SH3PXD2A: variants seen among roughly 807,000 people sequenced by gnomAD.
SH3PXD2A encodes SH3 and PX domains 2A, also known as SH3 and PX domain-containing protein 2A.
In SH3PXD2A, 32 loss-of-function variants were observed where a neutral mutation model predicts 115.2. The ratio of observed to expected loss-of-function variants is 0.28; its 90% CI spans 0.21 to 0.37. SH3PXD2A has a LOEUF of 0.37. Among genes scored for constraint, SH3PXD2A ranks in the 10% least tolerant of loss-of-function variants. SH3PXD2A has a pLI of 1.00. For synonymous variants in SH3PXD2A, 610 were observed against 629.1 expected, an observed-to-expected ratio of 0.97 and a Z score of 0.45; for missense variants, 1,328 against 1,498.7, an observed-to-expected ratio of 0.89 and a Z score of 1.88.
intron 2 of SH3PXD2A, among the ~76,000 whole-genome samples, chr10:103,795,040 T>C (rs1352257601): frequency 2.0e-5 from 3 of 152,156 alleles, no homozygotes. Context: ...AAGCCTGTTG[T>C]GTGTTCAAAG....
At chr10:103,673,839 C>T (rs1039380227) in intron 6 of SH3PXD2A, among the ~76,000 whole-genome samples, 1 of 152,212 alleles carries the variant, frequency 6.6e-6, no homozygotes, top group African/African-American at 2.4e-5. Flanking sequence ...GAACCACAGG[C>T]TCAGGGGACC....
intron 1 of SH3PXD2A, among the ~76,000 whole-genome samples, chr10:103,833,550 G>A (rs2039502306): frequency 6.6e-6 from 1 of 152,178 alleles, no homozygotes; most frequent in African/African-American, 2.4e-5. Context: ...GTTAGAGACA[G>A]TCTAAATGTT....
chr10:103,653,299 G>T (rs1205304742), intron 8 of SH3PXD2A, among the ~76,000 whole-genome samples: 1 of 152,122 alleles, frequency 6.6e-6, no homozygotes, highest in Non-Finnish European at 1.5e-5. Flanking sequence ...CAGGCCCCTT[G>T]GTGTTCAAAC....
intron 5 of SH3PXD2A, among the ~76,000 whole-genome samples, chr10:103,712,757 T>G (rs996915920): frequency 6.6e-6 from 1 of 152,256 alleles, no homozygotes; most frequent in Non-Finnish European, 1.5e-5. Context: ...GCAGTTATTC[T>G]GCCCTTCTGT....
intron 6 of SH3PXD2A, among the ~76,000 whole-genome samples, chr10:103,674,847 C>CAAAACAAAAT (rs1304128556): frequency 4.7e-5 from 7 of 147,728 alleles, no homozygotes; most frequent in Admixed American, 2.7e-4. Context: ...AACAAACAAA[C>CAAAACAAAAT]AAAACAAAAT....
In SH3PXD2A at chr10:103,594,855, A is replaced by T. The variant is rs1357240562; in HGVS notation, c.*6961T>A. On this transcript the variant is annotated 3_prime_UTR_variant, in exon 15 of 15. Coordinates refer to ENST00000369774, the MANE Select transcript of SH3PXD2A (RefSeq NM_001394015.1). ...AACTGAACCACCACAGGTGTCAGAGATACTTGAGAATGACTGGTACCAACA... is the reference window on the plus strand; with the variant it reads ...AACTGAACCACCACAGGTGTCAGAGTTACTTGAGAATGACTGGTACCAACA... The T allele has an allele frequency of 6.6e-6, 1 of 152,178 alleles. No homozygotes were observed. Among genetic ancestry groups the T allele is most frequent in the Non-Finnish European group, 1.5e-5 (1 of 68,012 alleles). 9.4% of individuals were successfully genotyped at this position (152,178 alleles called of 1,614,324 possible).
intron 3 of SH3PXD2A, among the ~76,000 whole-genome samples, chr10:103,751,844 AG>A (rs1183365783): frequency 6.6e-6 from 1 of 152,236 alleles, no homozygotes; most frequent in African/African-American, 2.4e-5. Context: ...GCATCCCAAG[AG>A]ACACCAAAGC....
At chr10:103,800,810 C>T (rs1407788279) in intron 2 of SH3PXD2A, among the ~76,000 whole-genome samples, 2 of 152,158 alleles carry the variant, frequency 1.3e-5, no homozygotes, top group Admixed American at 6.5e-5. Flanking sequence ...GTGCCTCATT[C>T]GGTCAGACAG....
intron 3 of SH3PXD2A, chr10:103,736,738 C>A (rs1162480940): frequency 1.6e-6 from 2 of 1,285,608 alleles, no homozygotes; most frequent in Non-Finnish European, 2.0e-6. Flanking sequence ...CACTTGTGAC[C>A]CATTTTGGGG....
intron 10 of SH3PXD2A, among the ~76,000 whole-genome samples, chr10:103,619,286 G>A (rs982608665): frequency 1.3e-5 from 2 of 152,152 alleles, no homozygotes; most frequent in African/African-American, 4.8e-5. Flanking sequence ...CCTGCTCCTG[G>A]TTCTGCTCCA....
intron 1 of SH3PXD2A, among the ~76,000 whole-genome samples, chr10:103,852,717 C>T (rs1215907228): frequency 6.6e-6 from 1 of 152,248 alleles, no homozygotes; most frequent in Non-Finnish European, 1.5e-5. Context: ...CCTCCTGCCC[C>T]TGTCTGTCCC....
intron 3 of SH3PXD2A, among the ~76,000 whole-genome samples, chr10:103,744,078 G>A (rs2038473368): frequency 6.6e-6 from 1 of 152,154 alleles, no homozygotes; most frequent in Non-Finnish European, 1.5e-5. Flanking sequence ...CCTGACCATG[G>A]GGCCACCCAG....
At chr10:103,614,597 G>A (rs1165024418) in intron 11 of SH3PXD2A, among the ~76,000 whole-genome samples, 1 of 152,014 alleles carries the variant, frequency 6.6e-6, no homozygotes. Context: ...TTTTTTCCTC[G>A]TGGTGTTGAG....
intron 1 of SH3PXD2A, among the ~76,000 whole-genome samples, chr10:103,814,757 G>A (rs909563762): frequency 6.6e-6 from 1 of 152,200 alleles, no homozygotes; most frequent in East Asian, 1.9e-4. Flanking sequence ...CAGGCACTGC[G>A]CTAGGTGCTA....
In SH3PXD2A at chr10:103,612,864, C is replaced by G; in HGVS notation, c.1247G>C (p.Arg416Pro). The G allele has an allele frequency of 6.4e-7, 1 of 1,562,764 alleles. No individual in the cohort carries two copies. Among genetic ancestry groups the G allele is most frequent in the East Asian group, 2.2e-5 (1 of 44,548 alleles). Residue 416 changes from arginine to proline, a missense_variant, in exon 12 of 15, where the codon CGG becomes CCG. Coordinates refer to ENST00000369774, the MANE Select transcript of SH3PXD2A (RefSeq NM_001394015.1). ...SPAVARIAPQ[R>P]AQISSPNLRT... ...AGCGAGGCTCTTACTGATCTGGGCC[C>G]GCTGAGGGGCAATCCTGGCCACAGC...
intron 1 of SH3PXD2A, among the ~76,000 whole-genome samples, chr10:103,820,158 T>A (rs1407991235): frequency 6.6e-6 from 1 of 152,170 alleles, no homozygotes; most frequent in East Asian, 1.9e-4. Flanking sequence ...AGGCACCGGA[T>A]CTGAGAGCAA....
intron 6 of SH3PXD2A, among the ~76,000 whole-genome samples, chr10:103,672,102 T>C (rs1330996444): frequency 1.3e-5 from 2 of 152,108 alleles, no homozygotes; most frequent in East Asian, 1.9e-4. Flanking sequence ...CTGGCCAACA[T>C]GGCGAAACTC....
At chr10:103,761,363 A>G (rs991925650) in intron 3 of SH3PXD2A, among the ~76,000 whole-genome samples, 2 of 152,172 alleles carry the variant, frequency 1.3e-5, no homozygotes, top group Admixed American at 1.3e-4. Context: ...AGTGCCTAGT[A>G]TTTTTGCAAC....
At chr10:103,645,381 A>G (rs139435602) in intron 8 of SH3PXD2A, among the ~76,000 whole-genome samples, 134 of 152,322 alleles carry the variant, frequency 8.8e-4, no homozygotes, top group African/African-American at 3.1e-3. Context: ...AATTTGGGGA[A>G]ATGACTTCGA....
Sources: allele counts gnomAD v4.1 joint callset (sites outside exome capture counted in the v4.1 genomes callset), GRCh38; gene constraint gnomAD v4.1.1; transcripts MANE v1.5; gene names NCBI Gene and HGNC (gene_info 2026-07-23, HGNC 2026-07-21).